The following CSGALNACT1 variants were observed in gnomAD, a reference collection of about 807,000 sequenced individuals.
The protein encoded by CSGALNACT1 is chondroitin sulfate N-acetylgalactosaminyltransferase 1.
A neutral mutation model predicts 51.0 loss-of-function variants in CSGALNACT1; 52 were observed. The observed-to-expected ratio is 1.02, with a 90% confidence interval of 0.82 to 1.29. The LOEUF (loss-of-function observed/expected upper bound fraction) is 1.29. Ranked by LOEUF, CSGALNACT1 falls within the 50% of genes most tolerant of loss-of-function variation. The pLI is 0.00. For missense variants in CSGALNACT1, 935 were observed against 679.2 expected (o/e 1.38, Z -4.19); for synonymous variants, 341 against 254.4 (o/e 1.34, Z -3.24).
intron 4 of CSGALNACT1, among the ~76,000 whole-genome samples, chr8:19,502,613 G>C (rs551678771): frequency 6.6e-6 from 1 of 152,084 alleles, no homozygotes; most frequent in Non-Finnish European, 1.5e-5. Flanking sequence ...CTTTTCCCAT[G>C]GATTTTGAGA....
intron 4 of CSGALNACT1, 48 bp downstream of exon 3, chr8:19,505,153 C>A (rs375638084): frequency 1.2e-6 from 2 of 1,609,524 alleles, no homozygotes; most frequent in African/African-American, 2.7e-5. Flanking sequence ...TGCCAGGAAC[C>A]CCCAATTCCT....
intron 1 of CSGALNACT1, among the ~76,000 whole-genome samples, chr8:19,649,919 G>C (rs917311869): frequency 1.4e-5 from 2 of 142,104 alleles, no homozygotes; most frequent in African/African-American, 5.2e-5. Flanking sequence ...TTTTCTGGTA[G>C]GGAATACATT....
At chr8:19,688,695 T>A (rs2061118933) in intron 1 of CSGALNACT1, 2 of 152,260 alleles carry the variant, frequency 1.3e-5, no homozygotes, top group African/African-American at 4.8e-5. Flanking sequence ...CTCAGCCCAC[T>A]GTATCCTTCT....
chr8:19,437,339 G>C (rs575153790), intron 6 of CSGALNACT1, among the ~76,000 whole-genome samples: 3 of 152,188 alleles, frequency 2.0e-5, no homozygotes, highest in African/African-American at 7.2e-5. Flanking sequence ...AGTTTGGCTA[G>C]GGAGCAGTGA....
chr8:19,505,657 C>T lies in CSGALNACT1; in HGVS notation c.178G>A (p.Val60Ile), dbSNP rs745624023. ...TGCTGCTCCTCCCACTCCTGAAGGA[C>T]GGCCTGGTACCCCTCCTTCCCCGTG... Residue 60 changes from valine to isoleucine, a missense_variant, in exon 4 of 10, where the codon GTC (valine) becomes ATC (isoleucine). By Grantham distance (29) the Val-to-Ile change is conservative. Transcript: ENST00000454498. 22 of 1,614,072 alleles carry T rather than the reference C, an allele frequency of 1.4e-5. No individual in the cohort carries two copies. In the East Asian group the frequency reaches 2.7e-4, roughly 20 times the overall value.
chr8:19,753,837 T>G (rs1340749654), intron 1 of CSGALNACT1, among the ~76,000 whole-genome samples: 1 of 152,226 alleles, frequency 6.6e-6, no homozygotes, highest in Non-Finnish European at 1.5e-5. Context: ...AAATAGCAAA[T>G]TATTTCTGGC....
At chr8:19,507,544 A>G (rs1266397875) in intron 3 of CSGALNACT1, among the ~76,000 whole-genome samples, 1 of 151,798 alleles carries the variant, frequency 6.6e-6, no homozygotes, top group Admixed American at 6.6e-5. Flanking sequence ...AAAAAAAAAA[A>G]AAAAAAAAGA....
chr8:19,428,825 A>ATATGTG lies in CSGALNACT1; in HGVS notation c.954-8308_954-8307insCACATA, dbSNP rs1263429048. On this transcript the variant is annotated intron_variant, in intron 6 of 9. Transcript: ENST00000454498. ...ACACCCTTCTCACATAAGACATGATATGTGTGTGTGTGTGTGTGTGTGTGT... is the reference window on the plus strand; with the variant it reads ...ACACCCTTCTCACATAAGACATGATATATGTGTGTGTGTGTGTGTGTGTGTGTGTGT... 2.1e-3 allele frequency among the ~76,000 whole-genome samples: 306 copies of ATATGTG among 143,460 alleles called. 3 individuals are homozygous for ATATGTG. The highest frequency in any genetic ancestry group is 7.1e-3 in the Middle Eastern group (2 of 282). 94.1% of individuals were successfully genotyped at this position (143,460 alleles called of 152,430 possible). A position where few individuals can be genotyped will look rare whatever the true frequency, so the allele number is the denominator to read the frequency against.
chr8:19,678,111 AC>A (rs2060329437), intron 1 of CSGALNACT1, among the ~76,000 whole-genome samples: 2 of 151,298 alleles, frequency 1.3e-5, no homozygotes, highest in African/African-American at 4.9e-5. Context: ...TCTCAAACAA[AC>A]AAAAAAAAAA....
intron 3 of CSGALNACT1, among the ~76,000 whole-genome samples, chr8:19,574,021 A>G (rs2043603521): frequency 6.6e-6 from 1 of 152,160 alleles, no homozygotes; most frequent in Non-Finnish European, 1.5e-5. Context: ...CCTGAGCTCA[A>G]GCAATCCTCC....
intron 6 of CSGALNACT1, among the ~76,000 whole-genome samples, chr8:19,435,737 C>T (rs528905554): frequency 6.6e-6 from 1 of 152,160 alleles, no homozygotes; most frequent in Non-Finnish European, 1.5e-5. Flanking sequence ...GTGAGCTCAT[C>T]TGAGATTAAC....
At chr8:19,725,768 C>T (rs541393719) in intron 1 of CSGALNACT1, among the ~76,000 whole-genome samples, 1 of 152,228 alleles carries the variant, frequency 6.6e-6, no homozygotes, top group Admixed American at 6.5e-5. Flanking sequence ...TTTAGGTTCA[C>T]AGCAAAATTG....
chr8:19,753,808 TGTCA>T (rs1347255102), intron 1 of CSGALNACT1, among the ~76,000 whole-genome samples: 1 of 152,254 alleles, frequency 6.6e-6, no homozygotes, highest in African/African-American at 2.4e-5. Context: ...TTATATACAT[TGTCA>T]GTAATTTTTC....
chr8:19,629,981 G>A (rs923481519), intron 1 of CSGALNACT1, among the ~76,000 whole-genome samples: 6 of 152,152 alleles, frequency 3.9e-5, no homozygotes, highest in Admixed American at 6.5e-5. Context: ...AGAGACTCAG[G>A]GATCAGGGGA....
At chr8:19,745,440 C>A (rs1396660122) in intron 1 of CSGALNACT1, among the ~76,000 whole-genome samples, 1 of 152,146 alleles carries the variant, frequency 6.6e-6, no homozygotes, top group Non-Finnish European at 1.5e-5. Context: ...GCATACAATC[C>A]AATTTTTCAC....
intron 3 of CSGALNACT1, among the ~76,000 whole-genome samples, chr8:19,538,295 C>A (rs1455373092): frequency 1.2e-4 from 19 of 152,254 alleles, no homozygotes; most frequent in African/African-American, 4.3e-4. Flanking sequence ...TGTACTCCAT[C>A]CTGTGTGACA....
chr8:19,705,517 C>G (rs2062107831), intron 1 of CSGALNACT1, among the ~76,000 whole-genome samples: 1 of 152,138 alleles, frequency 6.6e-6, no homozygotes, highest in African/African-American at 2.4e-5. Context: ...AGGCAGGAGG[C>G]TTAAGCCCAG....
chr8:19,458,596 G>A lies in CSGALNACT1; in HGVS notation c.681C>T (p.Thr227=), dbSNP rs766851267. ...ATTCGTGTTTGTGGTCCCCTTTGAA[G>A]GTGAGCTCATACAATGTCCCTTTGT... The change falls in exon 5 of 10, where the codon ACC becomes ACT. Residue 227 remains threonine (T), a synonymous_variant. Coordinates refer to ENST00000454498, the Ensembl canonical transcript of CSGALNACT1. 6 of 1,614,010 alleles carry A rather than the reference G, an allele frequency of 3.7e-6. No homozygotes were observed. In the African/African-American group the frequency reaches 5.3e-5, roughly 14 times the overall value.
intron 6 of CSGALNACT1, among the ~76,000 whole-genome samples, chr8:19,438,285 C>T (rs2060725871): frequency 6.6e-6 from 1 of 152,182 alleles, no homozygotes; most frequent in African/African-American, 2.4e-5. Context: ...TGTGGCTTCA[C>T]TTTAGAATCA....
Sources: gnomAD v4.1 joint callset for allele counts (sites outside exome capture counted in the v4.1 genomes callset) on GRCh38, gnomAD v4.1.1 for gene constraint, MANE v1.5 for transcripts, NCBI Gene and HGNC (gene_info 2026-07-23, HGNC 2026-07-21) for gene names.